The following IL1RAPL1 variants were observed in gnomAD, a reference collection of about 807,000 sequenced individuals.
The protein encoded by IL1RAPL1 is interleukin-1 receptor accessory protein-like 1.
A neutral mutation model predicts 48.4 loss-of-function variants in IL1RAPL1; 3 were observed. The ratio of observed to expected loss-of-function variants is 0.06; its 90% CI spans 0.03 to 0.16. The LOEUF (loss-of-function observed/expected upper bound fraction) is 0.16. IL1RAPL1 is among the 10% of genes least tolerant of loss of function. IL1RAPL1 has a pLI of 1.00. For synonymous variants in IL1RAPL1, 185 were observed against 187.7 expected (o/e 0.99, Z 0.12); for missense variants, 349 against 530.6 (o/e 0.66, Z 3.36).
At position 29,399,199 on chromosome X, in the gene IL1RAPL1, A is replaced by G; in HGVS notation, c.594A>G (p.Arg198=). 1 of 1,199,375 alleles carries G rather than the reference A, an allele frequency of 8.3e-7. No homozygotes were observed. The change falls in exon 5 of 11, where the codon AGA becomes AGG. Residue 198 remains arginine, a synonymous_variant. Transcript: ENST00000378993. ...KTWRPSIVFK[R]DTLLIREVRE... is the part of the protein sequence containing the mutation. ...GGAGGCCAAGTATTGTATTCAAAAG[A>G]GATACTCTGCTTATAAGAGAAGTCA...
At chrX:29,164,085 G>C (rs4353013) in intron 2 of IL1RAPL1, among the ~76,000 whole-genome samples, 31,459 of 110,987 alleles carry the variant, frequency 0.28, 3,513 homozygotes, top group East Asian at 0.55. Context: ...CATAAGGAAG[G>C]TGAAAGTGGC....
At chrX:29,387,677 C>T (rs967333834) in intron 3 of IL1RAPL1, among the ~76,000 whole-genome samples, 1 of 111,814 alleles carries the variant, frequency 8.9e-6, no homozygotes, top group Non-Finnish European at 1.9e-5. Context: ...CATCTGTTTG[C>T]CGTATATGCT....
intron 5 of IL1RAPL1, among the ~76,000 whole-genome samples, chrX:29,637,497 TA>T (rs1481909998): frequency 9.0e-6 from 1 of 111,442 alleles, no homozygotes; most frequent in Non-Finnish European, 1.9e-5. Flanking sequence ...TGACAGATTT[TA>T]AAGTTGATAT....
At chrX:29,491,808 G>C (rs973601656) in intron 5 of IL1RAPL1, among the ~76,000 whole-genome samples, 1 of 110,778 alleles carries the variant, frequency 9.0e-6, no homozygotes, top group African/African-American at 3.3e-5. Context: ...CAAAATGGGA[G>C]CATTCTAGAT....
At chrX:28,696,146 T>A (rs1306059697) in intron 1 of IL1RAPL1, among the ~76,000 whole-genome samples, 1 of 111,259 alleles carries the variant, frequency 9.0e-6, no homozygotes, top group Admixed American at 9.6e-5. Context: ...AATATTCTAG[T>A]TTTACTTTTC....
At chrX:29,014,444 A>G (rs374134730) in intron 2 of IL1RAPL1, among the ~76,000 whole-genome samples, 2 of 111,447 alleles carry the variant, frequency 1.8e-5, no homozygotes, top group East Asian at 2.8e-4. Flanking sequence ...ATATACTCTT[A>G]ACCCCCACAT....
chrX:29,635,808 AC>A (rs1569133832), intron 5 of IL1RAPL1, among the ~76,000 whole-genome samples: 2 of 108,250 alleles, frequency 1.8e-5, no homozygotes, highest in African/African-American at 3.4e-5. Context: ...AAAAAAAAAA[AC>A]CCAAAAACTA....
At chrX:28,772,787 A>G (rs1449326469) in intron 1 of IL1RAPL1, among the ~76,000 whole-genome samples, 1 of 111,801 alleles carries the variant, frequency 8.9e-6, no homozygotes, top group African/African-American at 3.3e-5. Flanking sequence ...CAGTACATAC[A>G]TGAACAATTT....
At chrX:28,982,784 A>G (rs1222776437) in intron 2 of IL1RAPL1, 1 of 111,203 alleles carries the variant, frequency 9.0e-6, no homozygotes, top group Non-Finnish European at 1.9e-5. Context: ...CTCTTGTCCA[A>G]AGTTCTTAAA....
intron 5 of IL1RAPL1, among the ~76,000 whole-genome samples, chrX:29,497,811 T>C (rs1228710998): frequency 8.9e-6 from 1 of 111,986 alleles, no homozygotes; most frequent in Non-Finnish European, 1.9e-5. Context: ...CTATCTAAAC[T>C]GCTAACTGGT....
intron 1 of IL1RAPL1, among the ~76,000 whole-genome samples, chrX:28,736,408 C>T (rs749543181): frequency 1.7e-4 from 16 of 96,722 alleles, no homozygotes; most frequent in East Asian, 1.3e-3. Context: ...TATTCCAGAC[C>T]GGGCAATAGT....
intron 2 of IL1RAPL1, among the ~76,000 whole-genome samples, chrX:29,093,943 C>A (rs887840766): frequency 8.9e-6 from 1 of 111,988 alleles, no homozygotes; most frequent in Non-Finnish European, 1.9e-5. Context: ...TCTCCTCAAC[C>A]CTTCTTGCCC....
intron 2 of IL1RAPL1, among the ~76,000 whole-genome samples, chrX:29,089,066 A>G (rs1247785760): frequency 6.3e-5 from 7 of 111,457 alleles, no homozygotes; most frequent in Non-Finnish European, 1.1e-4. Context: ...CTTGTACTTT[A>G]TTAATGTTCT....
At chrX:29,909,753 G>A (rs1001651049) in intron 6 of IL1RAPL1, among the ~76,000 whole-genome samples, 1 of 111,620 alleles carries the variant, frequency 9.0e-6, no homozygotes, top group Non-Finnish European at 1.9e-5. Flanking sequence ...TGATTAAAAA[G>A]TCAAAACATA....
chrX:29,798,807 C>T (rs750966337), intron 6 of IL1RAPL1, among the ~76,000 whole-genome samples: 1 of 112,281 alleles, frequency 8.9e-6, no homozygotes, highest in African/African-American at 3.2e-5. Flanking sequence ...GAGAGGCAGA[C>T]TTCCTTAGAA....
At chrX:29,614,053 T>C (rs1210048648) in intron 5 of IL1RAPL1, among the ~76,000 whole-genome samples, 2 of 110,956 alleles carry the variant, frequency 1.8e-5, no homozygotes, top group Non-Finnish European at 3.8e-5. Context: ...TGAGCCACCG[T>C]GCCTGGCAGA....
At chrX:29,212,523 G>A (rs554495892) in intron 2 of IL1RAPL1, among the ~76,000 whole-genome samples, 4 of 111,030 alleles carry the variant, frequency 3.6e-5, no homozygotes, top group Middle Eastern at 4.7e-3. Flanking sequence ...TGGCAAGGCT[G>A]GTCTCAAACT....
chrX:28,983,748 TAAA>T (rs1925399073), intron 2 of IL1RAPL1, among the ~76,000 whole-genome samples: 1 of 111,972 alleles, frequency 8.9e-6, no homozygotes, highest in Non-Finnish European at 1.9e-5. Flanking sequence ...TGACTATACT[TAAA>T]AAAATTCTCA....
At chrX:29,283,541 A>G (rs1455205491) in intron 3 of IL1RAPL1, among the ~76,000 whole-genome samples, 1 of 112,558 alleles carries the variant, frequency 8.9e-6, no homozygotes, top group Admixed American at 9.4e-5. Flanking sequence ...AAGGATGCAT[A>G]GTTTCTTGCT....
Sources: allele counts gnomAD v4.1 joint callset (sites outside exome capture counted in the v4.1 genomes callset), GRCh38; gene constraint gnomAD v4.1.1; transcripts MANE v1.5; gene names NCBI Gene and HGNC (gene_info 2026-07-23, HGNC 2026-07-21).